Variants in PPP3CA observed in about 807,000 individuals in gnomAD.
PPP3CA encodes the protein protein phosphatase 3 catalytic subunit alpha, also known as CAM-PRP catalytic subunit.
In PPP3CA, 14 loss-of-function variants were observed where a neutral mutation model predicts 66.5. That is an observed-to-expected ratio of 0.21 (90% CI 0.14 to 0.33). The LOEUF is 0.33. PPP3CA is among the 10% of genes least tolerant of loss of function. The pLI is 1.00. For missense variants in PPP3CA, 317 were observed against 639.5 expected, an observed-to-expected ratio of 0.50 and a Z score of 5.44; for synonymous variants, 232 against 226.2, an observed-to-expected ratio of 1.03 and a Z score of -0.23.
chr4:101,158,306 C>G (rs1376845443), intron 2 of PPP3CA: 1 of 152,178 alleles, frequency 6.6e-6, no homozygotes, highest in Non-Finnish European at 1.5e-5. Flanking sequence ...CAGGGAAGAT[C>G]AGCAGCGAAG....
chr4:101,292,899 T>C (rs191347494), intron 1 of PPP3CA, among the ~76,000 whole-genome samples: 1 of 152,254 alleles, frequency 6.6e-6, no homozygotes, highest in Non-Finnish European at 1.5e-5. Context: ...GACAATCTTA[T>C]GTACTATATC....
chr4:101,249,805 AAAACT>A (rs1325573917), intron 1 of PPP3CA, among the ~76,000 whole-genome samples: 6 of 152,188 alleles, frequency 3.9e-5, no homozygotes, highest in African/African-American at 1.2e-4. Flanking sequence ...TTAATATGAC[AAAACT>A]AAACTATTCA....
chr4:101,198,434 A>G (rs1416211083), intron 1 of PPP3CA, among the ~76,000 whole-genome samples: 2 of 152,204 alleles, frequency 1.3e-5, no homozygotes, highest in African/African-American at 2.4e-5. Flanking sequence ...GCTTGTGGTA[A>G]GGGCAAGAGC....
At chr4:101,339,805 A>AT (rs1282920371) in intron 1 of PPP3CA, among the ~76,000 whole-genome samples, 1 of 152,228 alleles carries the variant, frequency 6.6e-6, no homozygotes, top group Non-Finnish European at 1.5e-5. Flanking sequence ...TAACAATTTT[A>AT]TGCAACTTCC....
chr4:101,056,795 C>A (rs1045538125), intron 10 of PPP3CA, among the ~76,000 whole-genome samples: 1 of 149,206 alleles, frequency 6.7e-6, no homozygotes, highest in Non-Finnish European at 1.5e-5. Context: ...GACAGGGTGC[C>A]GCAATTGGAA....
intron 5 of PPP3CA, among the ~76,000 whole-genome samples, chr4:101,097,164 T>C (rs1412968487): frequency 2.6e-5 from 4 of 152,190 alleles, no homozygotes; most frequent in Non-Finnish European, 5.9e-5. Context: ...GGCTTAAATA[T>C]ATACTGAGTA....
At chr4:101,056,801 T>A (rs534448175) in intron 10 of PPP3CA, among the ~76,000 whole-genome samples, 1 of 148,864 alleles carries the variant, frequency 6.7e-6, no homozygotes, top group Non-Finnish European at 1.5e-5. Context: ...GTGCCGCAAT[T>A]GGAAATTTTA....
Position 101,049,817 on chromosome 4 carries a change from T to C in PPP3CA, c.1157-9251A>G, listed in dbSNP as rs562996748. ...ATTGTCTCATATGTTTTACCCTAGA[T>C]AAAAAGTTAATTTGAGTACCACTTG... is the stretch of plus-strand genomic sequence containing the variant. On this transcript the variant is annotated intron_variant, in intron 10 of 13. Coordinates refer to ENST00000394854, the MANE Select transcript of PPP3CA (RefSeq NM_000944.5). Among the ~76,000 whole-genome samples the C allele has an allele frequency of 7.9e-5, 12 of 152,182 alleles. No homozygotes were observed. In the East Asian group the frequency reaches 2.3e-3, roughly 29 times the overall value.
At chr4:101,106,147 AC>A (rs1730656352) in intron 3 of PPP3CA, among the ~76,000 whole-genome samples, 1 of 151,686 alleles carries the variant, frequency 6.6e-6, no homozygotes, top group African/African-American at 2.4e-5. Flanking sequence ...ACTTCGTAAG[AC>A]CCTGTGTCTA....
rs116415610 is a variant in PPP3CA, at chr4:101,030,675, G to A, written c.1340-1480C>T. Reference sequence around the variant, plus strand: ...AAAGAACTGGAAAAACTTAAGTAACGTAAGTTTAAAAGTAAAGCAAAACAT... The same window carrying A: ...AAAGAACTGGAAAAACTTAAGTAACATAAGTTTAAAAGTAAAGCAAAACAT... On this transcript the variant is annotated intron_variant, in intron 12 of 13. Transcript: ENST00000394854. Among the ~76,000 whole-genome samples the A allele has an allele frequency of 8.7e-3, 1,319 of 152,168 alleles. 21 individuals are homozygous for A. The highest frequency in any genetic ancestry group is 0.03 in the African/African-American group (1,255 of 41,552).
intron 10 of PPP3CA, among the ~76,000 whole-genome samples, chr4:101,049,273 C>T (rs895271081): frequency 6.6e-6 from 1 of 152,118 alleles, no homozygotes; most frequent in African/African-American, 2.4e-5. Flanking sequence ...AAAGACTTTA[C>T]AGTAGATTAG....
chr4:101,278,974 T>C lies in PPP3CA; in HGVS notation c.58+67765A>G, dbSNP rs570900257. ...GACAGATTTGTTTTATGAAAACCGA[T>C]CAATTTCCCAATAAAGCCTTTCTCT... is the stretch of plus-strand genomic sequence containing the variant. On this transcript the variant is annotated intron_variant, in intron 1 of 13. Coordinates refer to ENST00000394854, the MANE Select transcript of PPP3CA (RefSeq NM_000944.5). 2.6e-5 allele frequency among the ~76,000 whole-genome samples: 4 copies of C among 152,292 alleles called. No individual in the cohort carries two copies. In the South Asian group the frequency reaches 8.3e-4, roughly 32 times the overall value.
rs556202011 is a variant in PPP3CA, at chr4:101,100,697, G to A, written c.385-975C>T. Among the ~76,000 whole-genome samples, 14 of 152,158 alleles carry A rather than the reference G, an allele frequency of 9.2e-5. 1 individual carries two copies. The South Asian group carries it at 2.9e-3, about 32-fold the overall frequency. On this transcript the variant is annotated intron_variant, in intron 3 of 13. Coordinates refer to ENST00000394854, the MANE Select transcript of PPP3CA (RefSeq NM_000944.5). ...AAAACAAGTATGCCCTTTTATCCTC[G>A]TAAAACCTGTATTCCCAAAGTGAAG...
intron 6 of PPP3CA, among the ~76,000 whole-genome samples, chr4:101,091,998 T>C (rs1270636412): frequency 6.6e-6 from 1 of 151,844 alleles, no homozygotes; most frequent in Non-Finnish European, 1.5e-5. Flanking sequence ...GTATGTATAA[T>C]GATAAGAGAC....
At chr4:101,295,307 CAAAAAAAAA>C (rs527366396) in intron 1 of PPP3CA, among the ~76,000 whole-genome samples, 1 of 42,054 alleles carries the variant, frequency 2.4e-5, no homozygotes, top group African/African-American at 8.5e-5. Flanking sequence ...GACTCCGTCT[CAAAAAAAAA>C]AAAAAAAAAA....
chr4:101,110,135 T>G (rs942275644), intron 2 of PPP3CA, among the ~76,000 whole-genome samples: 39 of 152,232 alleles, frequency 2.6e-4, no homozygotes, highest in African/African-American at 8.9e-4. Flanking sequence ...TTTTAAAAAT[T>G]TTGTGCTTGA....
In PPP3CA at chr4:101,025,712, A is replaced by C. The variant is rs758423501; in HGVS notation, c.*153T>G. The C allele has an allele frequency of 2.4e-5, 13 of 539,964 alleles. No homozygotes were observed. Among genetic ancestry groups the C allele is most frequent in the Non-Finnish European group, 4.0e-5 (13 of 323,314 alleles). The allele number at this position is 539,964 out of a possible 1,614,324, so 33.4% of individuals were successfully genotyped here. On this transcript the variant is annotated 3_prime_UTR_variant, in exon 14 of 14. Transcript: ENST00000394854. ...TTATCTCTCTCCCTCTTTTTTAATG[A>C]TAGTGTAAACTGAATCCAATTCCTG... is the stretch of plus-strand genomic sequence containing the variant.
chr4:101,346,969 G>T lies in PPP3CA; in HGVS notation c.-173C>A. 1.4e-6 allele frequency: 1 copy of T among 703,894 alleles called. No individual in the cohort carries two copies. The highest frequency in any genetic ancestry group is 2.3e-6 in the Non-Finnish European group (1 of 428,472). The allele number at this position is 703,894 out of a possible 1,614,324, so 43.6% of individuals were successfully genotyped here. On this transcript the variant is annotated 5_prime_UTR_variant, in exon 1 of 14. Transcript: ENST00000394854. ...GCTTTAAAGTTGCTGCCTTTTCCGC[G>T]CGTCCCTCCTCCGCCGCCGCCGCCT...
At chr4:101,050,742 C>T (rs1727973306) in intron 10 of PPP3CA, among the ~76,000 whole-genome samples, 1 of 152,146 alleles carries the variant, frequency 6.6e-6, no homozygotes, top group Non-Finnish European at 1.5e-5. Flanking sequence ...CATTCATTCT[C>T]AACATTCAAA....
Sources: gnomAD v4.1 joint callset for allele counts (sites outside exome capture counted in the v4.1 genomes callset) on GRCh38, gnomAD v4.1.1 for gene constraint, MANE v1.5 for transcripts, NCBI Gene and HGNC (gene_info 2026-07-23, HGNC 2026-07-21) for gene names.